Variants in PRKAG2 observed in about 807,000 individuals in gnomAD.
PRKAG2 encodes protein kinase AMP-activated non-catalytic subunit gamma 2.
PRKAG2 carries 26 observed loss-of-function variants against 69.6 expected under a neutral mutation model. The observed-to-expected ratio is 0.37, with a 90% CI of 0.27 to 0.52. PRKAG2 has a LOEUF of 0.52. Among genes scored for constraint, PRKAG2 ranks in the 20% least tolerant of loss-of-function variants. The pLI is 0.90. For synonymous variants in PRKAG2, 293 were observed against 285.0 expected, an observed-to-expected ratio of 1.03 and a Z score of -0.28; for missense variants, 557 against 740.0, an observed-to-expected ratio of 0.75 and a Z score of 2.87.
At chr7:151,830,866 T>C (rs151104795) in intron 1 of PRKAG2, among the ~76,000 whole-genome samples, 1,863 of 152,028 alleles carry the variant, frequency 0.012, 45 homozygotes, top group South Asian at 0.053. Flanking sequence ...CTCTCTCACC[T>C]GGAGTGACTT....
At chr7:151,565,207 TA>T in intron 13 of PRKAG2, 138 bp downstream of exon 13, 1 of 690,452 alleles carries the variant, frequency 1.4e-6, no homozygotes, top group Non-Finnish European at 2.2e-6. Flanking sequence ...AGAAGGTCTA[TA>T]AAATTCTGAT....
intron 1 of PRKAG2, among the ~76,000 whole-genome samples, chr7:151,794,811 T>C (rs890165204): frequency 6.6e-6 from 1 of 152,106 alleles, no homozygotes; most frequent in African/African-American, 2.4e-5. Context: ...GCTGCCAGAG[T>C]CTCCGGCTCT....
At chr7:151,659,063 GA>G (rs1829915287) in intron 4 of PRKAG2, among the ~76,000 whole-genome samples, 1 of 152,160 alleles carries the variant, frequency 6.6e-6, no homozygotes, top group Non-Finnish European at 1.5e-5. Context: ...AATCAACCAT[GA>G]TTCATAGTAA....
chr7:151,842,547 AGGTAGTGAT>A (rs1346388605), intron 1 of PRKAG2, among the ~76,000 whole-genome samples: 21 of 137,764 alleles, frequency 1.5e-4, no homozygotes, highest in South Asian at 5.0e-4. Context: ...TAGTGATGGT[AGGTAGTGAT>A]GGTAGTGATG....
intron 8 of PRKAG2, among the ~76,000 whole-genome samples, chr7:151,574,154 A>C (rs554831538): frequency 5.3e-5 from 8 of 152,338 alleles, no homozygotes; most frequent in African/African-American, 1.9e-4. Context: ...ATTACGCATA[A>C]AGCAGTATTA....
intron 3 of PRKAG2, among the ~76,000 whole-genome samples, chr7:151,685,199 T>C (rs1446654732): frequency 6.6e-6 from 1 of 152,166 alleles, no homozygotes; most frequent in African/African-American, 2.4e-5. Flanking sequence ...CCACCCTCCG[T>C]GTTGGTGGAT....
intron 4 of PRKAG2, among the ~76,000 whole-genome samples, chr7:151,644,877 T>C (rs1827304345): frequency 6.6e-6 from 1 of 152,250 alleles, no homozygotes; most frequent in African/African-American, 2.4e-5. Context: ...ATTTTAGTCA[T>C]TCTAGTGGGT....
intron 3 of PRKAG2, among the ~76,000 whole-genome samples, chr7:151,768,599 T>C (rs989990634): frequency 2.6e-5 from 4 of 152,182 alleles, no homozygotes; most frequent in African/African-American, 9.7e-5. Context: ...CCTTAGTAGC[T>C]CGGATTACAG....
At position 151,850,212 on chromosome 7, in the gene PRKAG2, C is replaced by T. The variant is rs2079535473; in HGVS notation, c.114+26295G>A. On this transcript the variant is annotated intron_variant, in intron 1 of 15. Coordinates refer to ENST00000287878, the MANE Select transcript of PRKAG2 (RefSeq NM_016203.4). This position sits in a 1 kb window ranked among gnomAD's most constrained non-coding sequence, Gnocchi z 4.1. ...ATAGTGGGCACATCAAATGATTACACAGGGACAGTGGGTGTGAACCGGGTG... is the reference window on the plus strand; with the variant it reads ...ATAGTGGGCACATCAAATGATTACATAGGGACAGTGGGTGTGAACCGGGTG... Among the ~76,000 whole-genome samples, 1 of 152,206 alleles carries T rather than the reference C, an allele frequency of 6.6e-6. No individual in the cohort carries two copies. Among genetic ancestry groups the T allele is most frequent in the Non-Finnish European group, 1.5e-5 (1 of 68,036 alleles).
rs567670146 is a variant in PRKAG2 at position 151,684,595 on chromosome 7, G to A, written c.467-8958C>T. 5.3e-5 allele frequency among the ~76,000 whole-genome samples: 8 copies of A among 152,260 alleles called. No homozygotes were observed. In the South Asian group the frequency reaches 1.7e-3, roughly 32 times the overall value. ...GCCATTGATAGCAGGTGACGTCTCCGGGAGAAGACCCTGCTGGTCGGAAGC... is the reference window on the plus strand; with the variant it reads ...GCCATTGATAGCAGGTGACGTCTCCAGGAGAAGACCCTGCTGGTCGGAAGC... On this transcript the variant is annotated intron_variant, in intron 3 of 15. Transcript: ENST00000287878.
chr7:151,650,019 T>C (rs1344218330), intron 4 of PRKAG2, among the ~76,000 whole-genome samples: 1 of 152,158 alleles, frequency 6.6e-6, no homozygotes, highest in Non-Finnish European at 1.5e-5. Context: ...CAAAGCGTAA[T>C]GACTACTTGG....
At chr7:151,819,744 C>A (rs1005261105) in intron 1 of PRKAG2, among the ~76,000 whole-genome samples, 1 of 105,824 alleles carries the variant, frequency 9.4e-6, no homozygotes, top group Non-Finnish European at 2.1e-5. Flanking sequence ...CTGCCTGGAG[C>A]CTTACGGGTG....
intron 3 of PRKAG2, among the ~76,000 whole-genome samples, chr7:151,751,456 G>A (rs2074683353): frequency 6.6e-6 from 1 of 151,414 alleles, no homozygotes; most frequent in Non-Finnish European, 1.5e-5. Context: ...ATGGTACTCT[G>A]CTATGTAGCT....
At chr7:151,602,026 T>C (rs1287360258) in intron 5 of PRKAG2, among the ~76,000 whole-genome samples, 1 of 152,238 alleles carries the variant, frequency 6.6e-6, no homozygotes, top group Non-Finnish European at 1.5e-5. Context: ...AGGGCCCTGC[T>C]TAAGAAAGGC....
chr7:151,715,322 C>CAAAAAAAAAAAAAAAAA (rs34971340), intron 3 of PRKAG2, among the ~76,000 whole-genome samples: 1 of 62,444 alleles, frequency 1.6e-5, no homozygotes, highest in East Asian at 4.2e-4. Context: ...GGCCTAAAAG[C>CAAAAAAAAAAAAAAAAA]AAAAAAAAAA....
chr7:151,592,246 A>T (rs908286010), intron 6 of PRKAG2, among the ~76,000 whole-genome samples: 2 of 152,230 alleles, frequency 1.3e-5, no homozygotes, highest in Non-Finnish European at 2.9e-5. Context: ...GGCACTGCAC[A>T]GTGTGGCTCT....
intron 3 of PRKAG2, among the ~76,000 whole-genome samples, chr7:151,698,034 G>A (rs1836989753): frequency 6.6e-6 from 1 of 152,216 alleles, no homozygotes; most frequent in East Asian, 1.9e-4. Flanking sequence ...AGCAGGCACT[G>A]TTGATGCCCT....
At chr7:151,830,027 T>A (rs893270086) in intron 1 of PRKAG2, among the ~76,000 whole-genome samples, 1 of 151,714 alleles carries the variant, frequency 6.6e-6, no homozygotes, top group African/African-American at 2.4e-5. Flanking sequence ...ACTTTCTGCG[T>A]TATAGAATCC....
chr7:151,702,903 C>A (rs1478626556), intron 3 of PRKAG2, among the ~76,000 whole-genome samples: 1 of 152,180 alleles, frequency 6.6e-6, no homozygotes, highest in Admixed American at 6.5e-5. Context: ...GGGGGTGATA[C>A]CTCTCGCCTT....
Sources: allele counts gnomAD v4.1 joint callset (sites outside exome capture counted in the v4.1 genomes callset), GRCh38; gene constraint gnomAD v4.1.1; non-coding constraint Gnocchi (gnomAD v3.1); transcripts MANE v1.5; gene names NCBI Gene and HGNC (gene_info 2026-07-23, HGNC 2026-07-21).